The following DOCK2 variants were observed in gnomAD, a reference collection of about 807,000 sequenced individuals.
DOCK2 encodes the protein dedicator of cytokinesis 2.
A neutral mutation model predicts 248.9 loss-of-function variants in DOCK2; 87 were observed. That is an observed-to-expected ratio of 0.35 (90% confidence interval 0.29 to 0.42). DOCK2 has a LOEUF of 0.42. DOCK2 is among the 10% of genes least tolerant of loss of function. The pLI is 1.00. For missense variants in DOCK2, 1,747 were observed against 2,300.2 expected (o/e 0.76, Z 4.92); for synonymous variants, 805 against 821.6 (o/e 0.98, Z 0.35).
At chr5:170,000,932 G>C (rs190218920) in intron 30 of DOCK2, among the ~76,000 whole-genome samples, 1 of 152,184 alleles carries the variant, frequency 6.6e-6, no homozygotes, top group East Asian at 1.9e-4. Flanking sequence ...AAAAACAGGC[G>C]AGGGAGAGAC....
chr5:169,890,557 C>G (rs1009582383), intron 27 of DOCK2, among the ~76,000 whole-genome samples: 73 of 152,244 alleles, frequency 4.8e-4, no homozygotes, highest in African/African-American at 1.6e-3. Context: ...CGGCAGCTTT[C>G]TCAGTAAGGA....
chr5:169,707,764 C>T (rs264838), intron 14 of DOCK2, among the ~76,000 whole-genome samples: 18,070 of 152,194 alleles, frequency 0.12, 2,005 homozygotes, highest in Admixed American at 0.29. Context: ...AGAAATTCAT[C>T]GCAAAGAGTT....
rs113103035 is a variant in DOCK2, at chr5:170,015,567, T to TTTTTGTTTG, written c.3233-3390_3233-3389insTGTTTGTTT. Among the ~76,000 whole-genome samples, 109 of 151,076 alleles carry TTTTTGTTTG rather than the reference T, an allele frequency of 7.2e-4. 2 individuals are homozygous for TTTTTGTTTG. Among genetic ancestry groups the TTTTTGTTTG allele is most frequent in the South Asian group, 5.9e-3 (28 of 4,732 alleles). ...CCCTTTTGAACTGATTTTAGGTTTT[T>TTTTTGTTTG]TTTGTTTGTTTGTTTGTTTGTTTTT... is the stretch of plus-strand genomic sequence containing the variant. On this transcript the variant is annotated intron_variant, in intron 32 of 51. Transcript: ENST00000520908.
chr5:169,966,265 G>A (rs1777296635), intron 27 of DOCK2, among the ~76,000 whole-genome samples: 1 of 152,116 alleles, frequency 6.6e-6, no homozygotes, highest in South Asian at 2.1e-4. Context: ...AAAATGGGCT[G>A]CAAATGTGTA....
At chr5:169,702,531 T>A in intron 14 of DOCK2, 104 bp downstream of exon 14, 1 of 1,543,014 alleles carries the variant, frequency 6.5e-7, no homozygotes, top group South Asian at 1.2e-5. Flanking sequence ...AAATGCCAGG[T>A]GCCTTTGGGA....
intron 29 of DOCK2, among the ~76,000 whole-genome samples, chr5:169,991,387 A>G (rs1482012298): frequency 6.6e-6 from 1 of 152,224 alleles, no homozygotes; most frequent in Non-Finnish European, 1.5e-5. Flanking sequence ...CTTCCTACTC[A>G]CAACAGCTGA....
intron 27 of DOCK2, among the ~76,000 whole-genome samples, chr5:169,911,343 T>C (rs1039127724): frequency 6.6e-6 from 1 of 152,172 alleles, no homozygotes; most frequent in Admixed American, 6.5e-5. Context: ...ATTAGAGAAC[T>C]CTCCTTCACT....
At chr5:169,803,352 T>A in intron 26 of DOCK2, 146 bp downstream of exon 26, 1 of 1,026,202 alleles carries the variant, frequency 9.7e-7, no homozygotes, top group Non-Finnish European at 1.4e-6. Context: ...TTCCTGTGAC[T>A]AACCCCCATT....
chr5:169,671,906 T>C (rs957355438), intron 5 of DOCK2, among the ~76,000 whole-genome samples: 16 of 152,262 alleles, frequency 1.1e-4, no homozygotes, highest in African/African-American at 3.6e-4. Flanking sequence ...CAATTTTACA[T>C]GTTTCTCAAA....
chr5:169,677,520 T>C (rs1759402422), intron 6 of DOCK2, among the ~76,000 whole-genome samples: 1 of 152,220 alleles, frequency 6.6e-6, no homozygotes, highest in African/African-American at 2.4e-5. Context: ...TTACCCGTTG[T>C]GCATGCTCTT....
intron 2 of DOCK2, among the ~76,000 whole-genome samples, chr5:169,656,386 C>T (rs1581394669): frequency 1.3e-5 from 2 of 151,386 alleles, no homozygotes; most frequent in Admixed American, 6.6e-5. Flanking sequence ...TGCAGTGATG[C>T]GATCTCGGCT....
intron 42 of DOCK2, chr5:170,056,294 T>G: frequency 6.0e-6 from 1 of 165,934 alleles, no homozygotes; most frequent in Non-Finnish European, 1.3e-5. Context: ...GGGAGACTGA[T>G]TTAGGGGGTT....
chr5:169,767,582 A>G (rs1291407763), intron 25 of DOCK2, among the ~76,000 whole-genome samples: 1 of 152,210 alleles, frequency 6.6e-6, no homozygotes, highest in Non-Finnish European at 1.5e-5. Flanking sequence ...GTTCCTTTGA[A>G]CAAGTAACCT....
chr5:170,043,661 A>G (rs1035614234), intron 38 of DOCK2, among the ~76,000 whole-genome samples: 5 of 152,196 alleles, frequency 3.3e-5, no homozygotes, highest in Non-Finnish European at 5.9e-5. Context: ...TGTTTTCATA[A>G]TTTACAATTA....
chr5:169,894,982 C>G (rs979447768), intron 27 of DOCK2, among the ~76,000 whole-genome samples: 1 of 152,188 alleles, frequency 6.6e-6, no homozygotes, highest in African/African-American at 2.4e-5. Flanking sequence ...GGGCCAAGAA[C>G]ATCTCTGTGG....
chr5:169,762,379 T>A (rs920276512), intron 25 of DOCK2, among the ~76,000 whole-genome samples: 1 of 152,178 alleles, frequency 6.6e-6, no homozygotes, highest in Non-Finnish European at 1.5e-5. Context: ...TTTTGGGAGA[T>A]CATGGAATGA....
chr5:170,051,936 GT>G (rs1561899159), intron 41 of DOCK2, among the ~76,000 whole-genome samples: 1 of 152,206 alleles, frequency 6.6e-6, no homozygotes, highest in African/African-American at 2.4e-5. Context: ...GTGGGTGTCA[GT>G]GTGGCCAAGC....
In DOCK2 at chr5:169,802,432, G is replaced by A. The variant is rs567091203; in HGVS notation, c.2555-626G>A. Among the ~76,000 whole-genome samples the A allele has an allele frequency of 3.3e-5, 5 of 152,342 alleles. No homozygotes were observed. The East Asian group carries it at 9.6e-4, about 29-fold the overall frequency. ...AGTGGAAGGTTGTTCATTTTGTACTGTCTGTACCAGAGAAGAATGTTCAGT... is the reference window on the plus strand; with the variant it reads ...AGTGGAAGGTTGTTCATTTTGTACTATCTGTACCAGAGAAGAATGTTCAGT... On this transcript the variant is annotated intron_variant, in intron 25 of 51. Coordinates refer to ENST00000520908, the MANE Select transcript of DOCK2 (RefSeq NM_004946.3).
chr5:170,005,617 T>C (rs1356779781), intron 30 of DOCK2, among the ~76,000 whole-genome samples: 1 of 152,188 alleles, frequency 6.6e-6, no homozygotes, highest in Non-Finnish European at 1.5e-5. Flanking sequence ...AGAGGGTTTC[T>C]TTTGGCGTGA....
Sources: allele counts gnomAD v4.1 joint callset (sites outside exome capture counted in the v4.1 genomes callset), GRCh38; gene constraint gnomAD v4.1.1; transcripts MANE v1.5; gene names NCBI Gene and HGNC (gene_info 2026-07-23, HGNC 2026-07-21).